The following DENND1B variants were observed in gnomAD, a reference collection of about 807,000 sequenced individuals.
DENND1B encodes the protein DENN domain containing 1B, also known as DENN domain-containing protein 1B.
DENND1B carries 59 observed loss-of-function variants against 90.1 expected under a neutral mutation model. The ratio of observed to expected loss-of-function variants is 0.65; its 90% CI spans 0.53 to 0.81. The LOEUF (loss-of-function observed/expected upper bound fraction) is 0.81. DENND1B is among the 40% of genes least tolerant of loss of function. DENND1B has a pLI of 0.00. For missense variants in DENND1B, 862 were observed against 912.6 expected, an observed-to-expected ratio of 0.94 and a Z score of 0.71; for synonymous variants, 337 against 324.6, an observed-to-expected ratio of 1.04 and a Z score of -0.41.
chr1:197,779,311 G>C (rs1357187841), upstream of DENND1B, among the ~76,000 whole-genome samples: 1 of 152,064 alleles, frequency 6.6e-6, no homozygotes, highest in Non-Finnish European at 1.5e-5. Context: ...AATGTCATCT[G>C]TTTTTTCTCT....
intron 2 of DENND1B, among the ~76,000 whole-genome samples, chr1:197,742,370 T>C (rs906132541): frequency 4.6e-5 from 7 of 152,258 alleles, no homozygotes; most frequent in Middle Eastern, 3.4e-3. Flanking sequence ...CCCACTTATA[T>C]AATACTCTAA....
At chr1:197,672,852 T>C (rs1655660074) in intron 4 of DENND1B, among the ~76,000 whole-genome samples, 1 of 152,046 alleles carries the variant, frequency 6.6e-6, no homozygotes, top group Non-Finnish European at 1.5e-5. Flanking sequence ...TAAGGGGCAA[T>C]ATAAAACGTT....
intron 2 of DENND1B, among the ~76,000 whole-genome samples, chr1:197,723,949 A>C (rs1661412663): frequency 6.6e-6 from 1 of 152,174 alleles, no homozygotes; most frequent in African/African-American, 2.4e-5. Context: ...AAACTTCAGA[A>C]TGTAAAATTA....
chr1:197,664,193 T>C (rs1654709393), intron 5 of DENND1B, among the ~76,000 whole-genome samples: 1 of 152,036 alleles, frequency 6.6e-6, no homozygotes, highest in African/African-American at 2.4e-5. Context: ...AATGTTAAAA[T>C]GTTTTTCACT....
intron 20 of DENND1B, among the ~76,000 whole-genome samples, chr1:197,539,572 T>C (rs1670177421): frequency 6.6e-6 from 1 of 152,204 alleles, no homozygotes; most frequent in African/African-American, 2.4e-5. Flanking sequence ...TTATAGTAGT[T>C]CAGATTTTAA....
At chr1:197,657,212 C>G (rs915611687) in intron 6 of DENND1B, among the ~76,000 whole-genome samples, 2 of 152,104 alleles carry the variant, frequency 1.3e-5, no homozygotes, top group Admixed American at 1.3e-4. Context: ...AGGACTCTTA[C>G]GATTCAACAA....
intron 5 of DENND1B, among the ~76,000 whole-genome samples, chr1:197,659,259 T>C (rs889473873): frequency 6.6e-6 from 1 of 151,680 alleles, no homozygotes; most frequent in African/African-American, 2.4e-5. Flanking sequence ...ATGTAAAATT[T>C]AAAAATCAGT....
At chr1:197,626,534 G>T (rs1678746688) in intron 10 of DENND1B, among the ~76,000 whole-genome samples, 1 of 152,164 alleles carries the variant, frequency 6.6e-6, no homozygotes, top group Admixed American at 6.5e-5. Flanking sequence ...GCAGTGTGTA[G>T]AGGGAAATTT....
At chr1:197,743,651 G>C (rs1453915665) in intron 2 of DENND1B, among the ~76,000 whole-genome samples, 1 of 152,184 alleles carries the variant, frequency 6.6e-6, no homozygotes, top group East Asian at 1.9e-4. Flanking sequence ...GATGTGGTTT[G>C]ATAGCATTTT....
At chr1:197,773,295 T>G (rs1253196332) in intron 1 of DENND1B, among the ~76,000 whole-genome samples, 1 of 152,206 alleles carries the variant, frequency 6.6e-6, no homozygotes, top group Non-Finnish European at 1.5e-5. Flanking sequence ...GGTTTTATCT[T>G]ATTGGATCAA....
At chr1:197,662,990 G>A (rs780101064) in intron 5 of DENND1B, among the ~76,000 whole-genome samples, 2 of 152,022 alleles carry the variant, frequency 1.3e-5, no homozygotes, top group Admixed American at 6.6e-5. Flanking sequence ...CCAATTTTAA[G>A]TTTGGTATTG....
chr1:197,599,782 A>C (rs762378803), intron 13 of DENND1B, among the ~76,000 whole-genome samples: 1 of 151,900 alleles, frequency 6.6e-6, no homozygotes, highest in African/African-American at 2.4e-5. Context: ...TGATATACTT[A>C]CCTACAGAGC....
chr1:197,654,471 G>A (rs777546074), intron 6 of DENND1B, among the ~76,000 whole-genome samples: 5 of 152,132 alleles, frequency 3.3e-5, no homozygotes, highest in South Asian at 4.1e-4. Context: ...TTATCCAGGC[G>A]TGGTGGTGCA....
intron 13 of DENND1B, among the ~76,000 whole-genome samples, chr1:197,596,067 A>C (rs530391914): frequency 6.6e-6 from 1 of 152,138 alleles, no homozygotes; most frequent in Admixed American, 6.6e-5. Context: ...TTCCACTACC[A>C]CATGGTGGGT....
At chr1:197,692,807 C>A (rs1019704062) in intron 3 of DENND1B, among the ~76,000 whole-genome samples, 1 of 151,582 alleles carries the variant, frequency 6.6e-6, no homozygotes, top group Non-Finnish European at 1.5e-5. Flanking sequence ...AGGTTGGGGC[C>A]TATAAAAGCA....
intron 2 of DENND1B, among the ~76,000 whole-genome samples, chr1:197,758,336 T>C (rs1654570123): frequency 6.6e-6 from 1 of 152,202 alleles, no homozygotes; most frequent in Admixed American, 6.5e-5. Flanking sequence ...ATTCCTGTCT[T>C]CCAGATTGAT....
chr1:197,667,813 T>C (rs1488543923), intron 5 of DENND1B, among the ~76,000 whole-genome samples: 4 of 151,440 alleles, frequency 2.6e-5, no homozygotes, highest in African/African-American at 7.4e-5. Context: ...GCACATATTT[T>C]ACCTGGTAAT....
In DENND1B at chr1:197,672,031, A is replaced by G. The variant is rs1655563892; in HGVS notation, c.296+6T>C. 1 of 1,609,188 alleles carries G rather than the reference A, an allele frequency of 6.2e-7. No homozygotes were observed. The highest frequency in any genetic ancestry group is 1.7e-5 in the Admixed American group (1 of 59,302). ...GCATCTAATTTTTTTTACTACAAAT[A>G]CTCACCTAAGGATGCATAAACAAAT... is the stretch of plus-strand genomic sequence containing the variant. On this transcript the variant is annotated splice_donor_region_variant and intron_variant, in intron 5 of 22. Transcript: ENST00000620048.
intron 2 of DENND1B, 35 bp downstream of exon 2, chr1:197,772,833 A>C (rs1370470074): frequency 3.9e-6 from 6 of 1,524,282 alleles, no homozygotes; most frequent in Non-Finnish European, 8.8e-7. Flanking sequence ...AAAAAAAGAG[A>C]CCTTGTCAAA....
Sources: gnomAD v4.1 joint callset for allele counts (sites outside exome capture counted in the v4.1 genomes callset) on GRCh38, gnomAD v4.1.1 for gene constraint, MANE v1.5 for transcripts, NCBI Gene and HGNC (gene_info 2026-07-23, HGNC 2026-07-21) for gene names.